The following ZNF730 variants were observed in gnomAD, a reference collection of about 807,000 sequenced individuals.
ZNF730 encodes the protein zinc finger protein 730.
A neutral mutation model predicts 12.6 loss-of-function variants in ZNF730; 12 were observed. That is an observed-to-expected ratio of 0.95 (90% CI 0.61 to 1.54). The LOEUF is 1.54. ZNF730 is among the 40% of genes most tolerant of loss of function. ZNF730 has a pLI of 0.00. For missense variants in ZNF730, 643 were observed against 583.5 expected, an observed-to-expected ratio of 1.10 and a Z score of -1.05; for synonymous variants, 194 against 195.8, an observed-to-expected ratio of 0.99 and a Z score of 0.08.
rs1241636300 is a variant in ZNF730, at chr19:23,117,121, CG to C, written c.-50del. On this transcript the variant is annotated 5_prime_UTR_variant, in exon 1 of 4. Coordinates refer to ENST00000597761, the MANE Select transcript of ZNF730 (RefSeq NM_001277403.2). ...CCAGCCTGTGTGGCCCTGCGACCTG[CG>C]GGTATTGGGAGATCCACAGCTAAGA... 6.2e-7 allele frequency: 1 copy of C among 1,613,126 alleles called. No individual in the cohort carries two copies. The highest frequency in any genetic ancestry group is 2.2e-5 in the East Asian group (1 of 44,844).
upstream of ZNF730, among the ~76,000 whole-genome samples, chr19:23,114,267 A>T (rs914338453): frequency 1.3e-5 from 2 of 150,820 alleles, no homozygotes; most frequent in Non-Finnish European, 3.0e-5. Context: ...AAACTCTGTT[A>T]AATTTAGTTT....
intron 1 of ZNF730, among the ~76,000 whole-genome samples, chr19:23,111,932 G>A (rs189682643): frequency 3.9e-5 from 6 of 152,356 alleles, no homozygotes; most frequent in African/African-American, 1.4e-4. Context: ...TTCTGCTACT[G>A]AAGTCTAATA....
At position 23,118,368 on chromosome 19, in the gene ZNF730, T is replaced by G. The variant is rs1016431522; in HGVS notation, c.3+1192T>G. ...TTTTGGGGTCAAGTTTGTTTTTTGT[T>G]TTTTTTTTTTGTTTTTTTAATTTTT... is the stretch of plus-strand genomic sequence containing the variant. On this transcript the variant is annotated intron_variant, in intron 1 of 3. Coordinates refer to ENST00000597761, the MANE Select transcript of ZNF730 (RefSeq NM_001277403.2). Among the ~76,000 whole-genome samples the G allele has an allele frequency of 5.4e-5, 8 of 149,228 alleles. No homozygotes were observed. The East Asian group carries it at 7.8e-4, about 15-fold the overall frequency.
chr19:23,105,122 T>C (rs1169197292), intron 1 of ZNF730, among the ~76,000 whole-genome samples: 1 of 147,080 alleles, frequency 6.8e-6, no homozygotes, highest in Non-Finnish European at 1.5e-5. Flanking sequence ...TCTTTTCTTT[T>C]TTTTTTTTTT....
chr19:23,110,152 A>G (rs1462704219), intron 1 of ZNF730, among the ~76,000 whole-genome samples: 2 of 124,250 alleles, frequency 1.6e-5, no homozygotes, highest in African/African-American at 3.1e-5. Flanking sequence ...TTTTTAGTAG[A>G]GAAGGGGTTT....
intron 1 of ZNF730, among the ~76,000 whole-genome samples, chr19:23,106,778 G>C (rs1249731280): frequency 7.1e-6 from 1 of 141,188 alleles, no homozygotes; most frequent in South Asian, 2.2e-4. Context: ...CCACGAGAGC[G>C]AGAACTGCGT....
At chr19:23,116,891 A>G (rs921720485), upstream of ZNF730, 97 of 441,506 alleles carry the variant, frequency 2.2e-4, no homozygotes, top group Non-Finnish European at 3.3e-4. Flanking sequence ...TCAGTCCAGC[A>G]TCTGATCACA....
At chr19:23,087,497 G>A (rs1439058597) in intron 1 of ZNF730, among the ~76,000 whole-genome samples, 1 of 152,162 alleles carries the variant, frequency 6.6e-6, no homozygotes, top group East Asian at 1.9e-4. Context: ...ATCAGCTTAA[G>A]GAGCTTATGG....
chr19:23,097,291 C>T (rs373909515), intron 1 of ZNF730, among the ~76,000 whole-genome samples: 3 of 152,140 alleles, frequency 2.0e-5, no homozygotes, highest in East Asian at 1.9e-4. Context: ...CCTGCCTGGA[C>T]GCTGTCACAG....
At position 23,089,323 on chromosome 19, in the gene ZNF730, C is replaced by T. The variant is rs140892768; in HGVS notation, c.-94+13936C>T. On this transcript the variant is annotated intron_variant, in intron 1 of 2. Coordinates refer to the ZNF730 transcript ENST00000593635. ...CTAGGTTCAAGCAATTCTCCTGCCTCAGTCCCAAGTAGCTGGGACTACAGG... is the reference window on the plus strand; with the variant it reads ...CTAGGTTCAAGCAATTCTCCTGCCTTAGTCCCAAGTAGCTGGGACTACAGG... Among the ~76,000 whole-genome samples, 1,425 of 152,116 alleles carry T rather than the reference C, an allele frequency of 9.4e-3. 11 individuals carry two copies. Among genetic ancestry groups the T allele is most frequent in the Middle Eastern group, 0.031 (9 of 292 alleles).
intron 1 of ZNF730, among the ~76,000 whole-genome samples, chr19:23,079,943 TTTTA>T (rs768442018): frequency 8.5e-4 from 130 of 152,094 alleles, no homozygotes; most frequent in Non-Finnish European, 7.5e-4. Context: ...GATGTCCCTA[TTTTA>T]TTTATTTATT....
At chr19:23,141,957 A>T (rs1369108868) in intron 3 of ZNF730, among the ~76,000 whole-genome samples, 1 of 152,156 alleles carries the variant, frequency 6.6e-6, no homozygotes, top group Non-Finnish European at 1.5e-5. Context: ...TACAATAATT[A>T]TATTGCTCTC....
chr19:23,142,029 T>G (rs947821169), intron 3 of ZNF730, among the ~76,000 whole-genome samples: 3 of 152,168 alleles, frequency 2.0e-5, no homozygotes, highest in Non-Finnish European at 2.9e-5. Context: ...ATGTGAGAGA[T>G]ATATATACTC....
At chr19:23,110,885 G>A (rs780010854) in intron 1 of ZNF730, among the ~76,000 whole-genome samples, 28 of 152,176 alleles carry the variant, frequency 1.8e-4, no homozygotes, top group Non-Finnish European at 2.9e-4. Flanking sequence ...CAGTACTGAA[G>A]TTTTTTAGAC....
At chr19:23,140,759 C>T (rs910445032) in intron 3 of ZNF730, among the ~76,000 whole-genome samples, 1 of 151,786 alleles carries the variant, frequency 6.6e-6, no homozygotes, top group Non-Finnish European at 1.5e-5. Context: ...CAAGACCAGC[C>T]TCACCAATAT....
intron 3 of ZNF730, among the ~76,000 whole-genome samples, chr19:23,142,959 G>A (rs1399769401): frequency 2.0e-5 from 3 of 151,602 alleles, no homozygotes; most frequent in Non-Finnish European, 2.9e-5. Flanking sequence ...AAAAAAACAA[G>A]AGTAGCCAGG....
Position 23,127,852 on chromosome 19 carries a change from A to G in ZNF730, c.4-6228A>G, listed in dbSNP as rs191333043. ...AAACAAATATTGTCAGATTGCTTATACCCGTATAGAAGAGGATGTGATATT... is the reference window on the plus strand; with the variant it reads ...AAACAAATATTGTCAGATTGCTTATGCCCGTATAGAAGAGGATGTGATATT... On this transcript the variant is annotated intron_variant, in intron 1 of 3. Transcript: ENST00000597761. 1.4e-3 allele frequency: 950 copies of G among 659,692 alleles called. 3 individuals are homozygous for G. The highest frequency in any genetic ancestry group is 2.3e-3 in the Non-Finnish European group (855 of 365,446). The allele number at this position is 659,692 out of a possible 1,614,324, so 40.9% of individuals were successfully genotyped here.
chr19:23,144,349 A>C (rs1046631992), intron 3 of ZNF730: 5 of 152,240 alleles, frequency 3.3e-5, no homozygotes, highest in Admixed American at 3.3e-4. Context: ...TGTTCTTAAA[A>C]TGTGTCTTGT....
At chr19:23,119,395 G>A (rs1970570744) in intron 1 of ZNF730, among the ~76,000 whole-genome samples, 1 of 152,196 alleles carries the variant, frequency 6.6e-6, no homozygotes, top group Non-Finnish European at 1.5e-5. Flanking sequence ...CTTGATCATA[G>A]TGGATTAGCT....
Sources: gnomAD v4.1 joint callset for allele counts (sites outside exome capture counted in the v4.1 genomes callset) on GRCh38, gnomAD v4.1.1 for gene constraint, MANE v1.5 for transcripts, NCBI Gene and HGNC (gene_info 2026-07-23, HGNC 2026-07-21) for gene names.